The following RSPO3 variants were observed in gnomAD, a reference collection of about 807,000 sequenced individuals.
RSPO3 encodes R-spondin 3.
Under a neutral mutation model 36.5 loss-of-function variants are expected in RSPO3, and 17 were observed. The ratio of observed to expected loss-of-function variants is 0.47; its 90% CI spans 0.32 to 0.70. The LOEUF is 0.70. RSPO3 is among the 30% of genes least tolerant of loss of function. The pLI, the probability that RSPO3 is intolerant of heterozygous loss-of-function variation, is 0.04. For missense variants in RSPO3, 294 were observed against 322.5 expected, an observed-to-expected ratio of 0.91 and a Z score of 0.68; for synonymous variants, 108 against 107.0, an observed-to-expected ratio of 1.01 and a Z score of -0.06.
At chr6:127,146,318 G>C (rs947984816) in intron 1 of RSPO3, among the ~76,000 whole-genome samples, 1 of 151,660 alleles carries the variant, frequency 6.6e-6, no homozygotes, top group Non-Finnish European at 1.5e-5. Context: ...AAGGTAAAAA[G>C]AATTATTGTA....
chr6:127,173,192 T>A (rs1284752898), intron 4 of RSPO3, among the ~76,000 whole-genome samples: 4 of 151,882 alleles, frequency 2.6e-5, no homozygotes, highest in Non-Finnish European at 5.9e-5. Context: ...TACAACCATT[T>A]TGTTATTCAA....
chr6:127,183,676 A>G lies in RSPO3; in HGVS notation c.635-12147A>G, dbSNP rs1775233457. On this transcript the variant is annotated intron_variant, in intron 4 of 4. Transcript: ENST00000356698. ...CTCAGGCTCTTGCCAAAGAGAAAGG[A>G]GCTACCACAGCCTTTAGAGCAATAG... is the stretch of plus-strand genomic sequence containing the variant. 2.0e-5 allele frequency among the ~76,000 whole-genome samples: 3 copies of G among 152,062 alleles called. No homozygotes were observed. In the South Asian group the frequency reaches 6.2e-4, roughly 31 times the overall value.
rs1207204189 is a variant in RSPO3 at position 127,199,283 on chromosome 6, T to C, written c.*3276T>C. ...AAAGGTTCTTCATTCAATATAATAATAAATATTTTGTATATAAATGAATAT... is the reference window on the plus strand; with the variant it reads ...AAAGGTTCTTCATTCAATATAATAACAAATATTTTGTATATAAATGAATAT... On this transcript the variant is annotated 3_prime_UTR_variant, in exon 5 of 5. Transcript: ENST00000356698. Among the ~76,000 whole-genome samples, 1 of 152,150 alleles carries C rather than the reference T, an allele frequency of 6.6e-6. No homozygotes were observed. Among genetic ancestry groups the C allele is most frequent in the Non-Finnish European group, 1.5e-5 (1 of 68,028 alleles).
Position 127,196,382 on chromosome 6 carries a change from A to C in RSPO3, c.*375A>C, listed in dbSNP as rs1018617385. ...TAAGAAGCAAAAGATAGTTCTGCAA[A>C]TTCAAAGATACAGTATCCCTTCAAA... On this transcript the variant is annotated 3_prime_UTR_variant, in exon 5 of 5. Coordinates refer to ENST00000356698, the MANE Select transcript of RSPO3 (RefSeq NM_032784.5). 1.3e-5 allele frequency: 2 copies of C among 154,826 alleles called. No homozygotes were observed. The highest frequency in any genetic ancestry group is 2.9e-5 in the Non-Finnish European group (2 of 69,670). The allele number at this position is 154,826 out of a possible 1,614,324, so 9.6% of individuals were successfully genotyped here.
intron 1 of RSPO3, among the ~76,000 whole-genome samples, chr6:127,123,791 T>C (rs1039742301): frequency 1.3e-5 from 2 of 152,200 alleles, no homozygotes; most frequent in South Asian, 4.1e-4. Context: ...CTTTACTAAG[T>C]CATTTCTCCA....
intron 1 of RSPO3, among the ~76,000 whole-genome samples, chr6:127,141,996 A>G (rs1362253400): frequency 6.6e-6 from 1 of 152,160 alleles, no homozygotes; most frequent in African/African-American, 2.4e-5. Context: ...TGGTTAAAAC[A>G]TTGGTATATT....
At chr6:127,147,222 C>T (rs547636347) in intron 1 of RSPO3, among the ~76,000 whole-genome samples, 1 of 152,166 alleles carries the variant, frequency 6.6e-6, no homozygotes, top group African/African-American at 2.4e-5. Context: ...CTGTAACTAA[C>T]CCGTGCACCC....
chr6:127,152,225 C>G (rs1347567690), intron 3 of RSPO3, among the ~76,000 whole-genome samples: 1 of 152,074 alleles, frequency 6.6e-6, no homozygotes, highest in Non-Finnish European at 1.5e-5. Flanking sequence ...AGTCCAAAGG[C>G]CAATTACTGA....
intron 1 of RSPO3, among the ~76,000 whole-genome samples, chr6:127,129,942 T>C (rs1018479430): frequency 6.6e-6 from 1 of 152,092 alleles, no homozygotes; most frequent in Non-Finnish European, 1.5e-5. Context: ...ATCATATTAT[T>C]GAAGTAACAT....
At chr6:127,147,782 G>T (rs1177493792) in intron 1 of RSPO3, among the ~76,000 whole-genome samples, 16 of 152,100 alleles carry the variant, frequency 1.1e-4, no homozygotes, top group Non-Finnish European at 7.4e-5. Context: ...GATTCTTAAG[G>T]TAGACTGGTC....
chr6:127,148,603 C>T (rs1311292207), intron 1 of RSPO3, 45 bp from the exon 2 acceptor site: 1 of 1,471,734 alleles, frequency 6.8e-7, no homozygotes, highest in Admixed American at 1.9e-5. Flanking sequence ...ATTTTTTTAT[C>T]TGTGATTTAA....
At chr6:127,187,169 C>T (rs1312695856) in intron 4 of RSPO3, among the ~76,000 whole-genome samples, 1 of 152,082 alleles carries the variant, frequency 6.6e-6, no homozygotes, top group Non-Finnish European at 1.5e-5. Flanking sequence ...ATGAACACAT[C>T]AATTCGTTTT....
chr6:127,142,694 C>T (rs1300034354), intron 1 of RSPO3, among the ~76,000 whole-genome samples: 1 of 152,092 alleles, frequency 6.6e-6, no homozygotes, highest in Non-Finnish European at 1.5e-5. Context: ...ATTTCTTTGC[C>T]AGATATTCAT....
At chr6:127,142,614 C>T (rs1188169840) in intron 1 of RSPO3, among the ~76,000 whole-genome samples, 1 of 152,038 alleles carries the variant, frequency 6.6e-6, no homozygotes, top group East Asian at 1.9e-4. Context: ...CATAAGAAAA[C>T]CATTATTACT....
At chr6:127,183,495 G>A (rs921081115) in intron 4 of RSPO3, among the ~76,000 whole-genome samples, 7 of 151,934 alleles carry the variant, frequency 4.6e-5, no homozygotes, top group Admixed American at 3.9e-4. Context: ...CAGCATGCCC[G>A]CATATGAGAG....
intron 1 of RSPO3, among the ~76,000 whole-genome samples, chr6:127,128,624 T>C (rs1773989954): frequency 6.6e-6 from 1 of 152,078 alleles, no homozygotes; most frequent in Non-Finnish European, 1.5e-5. Flanking sequence ...ATGAGATAGA[T>C]GTCATTTGAA....
chr6:127,167,883 A>G (rs1774853936), intron 4 of RSPO3, among the ~76,000 whole-genome samples: 1 of 151,908 alleles, frequency 6.6e-6, no homozygotes, highest in South Asian at 2.1e-4. Flanking sequence ...TCCTCATGAT[A>G]GTTTGCTGAG....
Position 127,150,500 on chromosome 6 carries a change from C to A in RSPO3, c.364C>A (p.Leu122Ile), listed in dbSNP as rs758211832. 20 of 1,612,274 alleles carry A rather than the reference C, an allele frequency of 1.2e-5. No individual in the cohort carries two copies. Among genetic ancestry groups the A allele is most frequent in the Non-Finnish European group, 1.6e-5 (19 of 1,179,098 alleles). ...ATGTAAAAGTGGATTTTACTTACAC[C>A]TTGGAAAGTGCCTTGACAATTGCCC... is the stretch of plus-strand genomic sequence containing the variant. Reference protein sequence around the residue: ...TKCKSGFYLHLGKCLDNCPEG... With the variant: ...TKCKSGFYLHIGKCLDNCPEG... Residue 122 changes from leucine (L) to isoleucine (I), a missense_variant, in exon 3 of 5, where the codon CTT becomes ATT. Coordinates refer to ENST00000356698, the MANE Select transcript of RSPO3 (RefSeq NM_032784.5).
At chr6:127,134,830 A>G (rs907473153) in intron 1 of RSPO3, among the ~76,000 whole-genome samples, 1 of 152,206 alleles carries the variant, frequency 6.6e-6, no homozygotes, top group Non-Finnish European at 1.5e-5. Context: ...GAAAACAACT[A>G]AGGAACAGAT....
Sources: gnomAD v4.1 joint callset for allele counts (sites outside exome capture counted in the v4.1 genomes callset) on GRCh38, gnomAD v4.1.1 for gene constraint, MANE v1.5 for transcripts, NCBI Gene and HGNC (gene_info 2026-07-23, HGNC 2026-07-21) for gene names.